Variants in EPHA4 observed in about 807,000 individuals in gnomAD.
The protein encoded by EPHA4 is ephrin type-A receptor 4.
In EPHA4, 19 loss-of-function variants were observed where a neutral mutation model predicts 108.3. The observed-to-expected ratio is 0.18, with a 90% confidence interval of 0.12 to 0.26. The LOEUF (loss-of-function observed/expected upper bound fraction) is 0.26, where lower values mean the gene tolerates loss of function less well. Ranked by LOEUF, EPHA4 falls within the 10% of genes least tolerant of loss-of-function variation. The pLI is 1.00. For missense variants in EPHA4, 917 were observed against 1,254.0 expected, an observed-to-expected ratio of 0.73 and a Z score of 4.06; for synonymous variants, 449 against 455.5, an observed-to-expected ratio of 0.99 and a Z score of 0.18.
chr2:221,537,600 C>A, intron 3 of EPHA4, among the ~76,000 whole-genome samples: 1 of 152,136 alleles, frequency 6.6e-6, no homozygotes, highest in East Asian at 1.9e-4. Flanking sequence ...CTAGCCAGGG[C>A]CACAAAATAA....
In EPHA4 at chr2:221,496,093, C is replaced by T. The variant is rs1692284265; in HGVS notation, c.979+4924G>A. On this transcript the variant is annotated intron_variant, in intron 4 of 17. Coordinates refer to ENST00000281821, the MANE Select transcript of EPHA4 (RefSeq NM_004438.5). ...CTGATGTTTATGCTGCTTCCCATCC[C>T]CACATCTTGTCAAGAGAATCCGATA... Among the ~76,000 whole-genome samples, 4 of 152,234 alleles carry T rather than the reference C, an allele frequency of 2.6e-5. No individual in the cohort carries two copies. The South Asian group carries it at 8.3e-4, about 32-fold the overall frequency.
At chr2:221,519,342 GAC>G (rs1451676649) in intron 3 of EPHA4, among the ~76,000 whole-genome samples, 1 of 152,136 alleles carries the variant, frequency 6.6e-6, no homozygotes, top group African/African-American at 2.4e-5. Context: ...TTAAATGATG[GAC>G]AGTTTCTGAA....
chr2:221,442,953 C>T lies in EPHA4; in HGVS notation c.1950G>A (p.Val650=). ...AACCAGCTTTCAGAGTCTTGATAGC[C>T]ACACAGATCTCTCTCTTGCCAGGCA... The part of the protein sequence containing the change: ...LKVPGKREIC[V]AIKTLKAGYT... Residue 650 remains valine, a synonymous_variant, in exon 11 of 18, where the codon GTG becomes GTA. Coordinates refer to ENST00000281821, the MANE Select transcript of EPHA4 (RefSeq NM_004438.5). The T allele has an allele frequency of 3.7e-6, 6 of 1,614,140 alleles. No homozygotes were observed. Among genetic ancestry groups the T allele is most frequent in the Non-Finnish European group, 5.1e-6 (6 of 1,180,024 alleles).
intron 3 of EPHA4, among the ~76,000 whole-genome samples, chr2:221,563,093 A>G (rs1349660658): frequency 6.6e-6 from 1 of 152,212 alleles, no homozygotes; most frequent in African/African-American, 2.4e-5. Flanking sequence ...ACCTCCTAAG[A>G]GAAATAAAGA....
chr2:221,426,482 AC>A lies in EPHA4; in HGVS notation c.2827del (p.Val943TrpfsTer4). 2 of 1,609,682 alleles carry A rather than the reference AC, an allele frequency of 1.2e-6. No homozygotes were observed. The highest frequency in any genetic ancestry group is 1.7e-6 in the Non-Finnish European group (2 of 1,178,988). ...TAAGYTTLEA[V>X]VHVNQEDLAR... The stretch of plus-strand genomic sequence containing the variant: ...TACTTACTCCTGGTTCACGTGCACC[AC>A]AGCCTCTAGTGTGGTATAACCAGCA... On this transcript the variant is annotated frameshift_variant, in exon 16 of 18. Coordinates refer to ENST00000281821, the MANE Select transcript of EPHA4 (RefSeq NM_004438.5). LOFTEE classifies it high-confidence loss of function.
intron 11 of EPHA4, 83 bp from the exon 12 acceptor site, chr2:221,437,205 T>C: frequency 1.0e-6 from 1 of 969,608 alleles, no homozygotes; most frequent in Non-Finnish European, 1.6e-6. Context: ...ACAATTTTAC[T>C]GCCAAGATAC....
At chr2:221,565,693 T>C (rs905261656) in intron 2 of EPHA4, among the ~76,000 whole-genome samples, 26 of 152,280 alleles carry the variant, frequency 1.7e-4, no homozygotes, top group African/African-American at 6.3e-4. Flanking sequence ...GCCACCATTA[T>C]AAAAGTTGAA....
chr2:221,430,676 G>A (rs1270648858), intron 14 of EPHA4, among the ~76,000 whole-genome samples: 8 of 152,048 alleles, frequency 5.3e-5, no homozygotes, highest in Non-Finnish European at 1.0e-4. Flanking sequence ...AAGTCCAGAC[G>A]CCCAGCCATT....
At chr2:221,492,700 G>A (rs1034743752) in intron 4 of EPHA4, among the ~76,000 whole-genome samples, 2 of 152,330 alleles carry the variant, frequency 1.3e-5, no homozygotes, top group Non-Finnish European at 1.5e-5. Flanking sequence ...GTTGACGGCT[G>A]CATCTGAATC....
At chr2:221,493,829 G>C (rs1007768996) in intron 4 of EPHA4, among the ~76,000 whole-genome samples, 24 of 152,206 alleles carry the variant, frequency 1.6e-4, no homozygotes, top group African/African-American at 5.3e-4. Flanking sequence ...TAAACCTGGA[G>C]AAAGTTTTTT....
chr2:221,470,590 TAAAGTATCACTTTAGGGAAC>T, intron 5 of EPHA4, among the ~76,000 whole-genome samples: 1 of 71,826 alleles, frequency 1.4e-5, no homozygotes, highest in South Asian at 4.6e-4. Flanking sequence ...TGCTTTTCCC[TAAAGTATCACTTTAGGGAAC>T]CTGCTTTTCC....
chr2:221,436,268 G>A, intron 13 of EPHA4, 131 bp downstream of exon 13: 1 of 758,140 alleles, frequency 1.3e-6, no homozygotes. Context: ...ATGGATGCAG[G>A]AATATGAGGA....
At chr2:221,556,691 C>T (rs1694313576) in intron 3 of EPHA4, among the ~76,000 whole-genome samples, 1 of 151,840 alleles carries the variant, frequency 6.6e-6, no homozygotes, top group South Asian at 2.1e-4. Flanking sequence ...CATGATTTGG[C>T]TTTCTGTGGT....
chr2:221,459,151 T>A (rs1691059811), intron 5 of EPHA4, among the ~76,000 whole-genome samples: 1 of 152,124 alleles, frequency 6.6e-6, no homozygotes, highest in Non-Finnish European at 1.5e-5. Flanking sequence ...CTGACGAGTA[T>A]ACTGATGGCA....
chr2:221,519,488 A>G (rs558531469), intron 3 of EPHA4, among the ~76,000 whole-genome samples: 3 of 152,346 alleles, frequency 2.0e-5, no homozygotes, highest in African/African-American at 7.2e-5. Flanking sequence ...GAAAGGGGCA[A>G]TTAACAGTGA....
intron 3 of EPHA4, among the ~76,000 whole-genome samples, chr2:221,542,491 G>A (rs1392244554): frequency 6.6e-6 from 1 of 152,184 alleles, no homozygotes; most frequent in Non-Finnish European, 1.5e-5. Context: ...TCCTGGTTCT[G>A]TATGGGGAAA....
chr2:221,436,940 C>T (rs1690259872), intron 12 of EPHA4, 121 bp downstream of exon 12: 5 of 762,138 alleles, frequency 6.6e-6, no homozygotes, highest in Non-Finnish European at 1.1e-5. Context: ...CATTTCTCCT[C>T]TTCTTTCTTT....
chr2:221,540,866 G>A (rs986042508), intron 3 of EPHA4, among the ~76,000 whole-genome samples: 3 of 152,056 alleles, frequency 2.0e-5, no homozygotes, highest in South Asian at 2.1e-4. Context: ...GCTGGAATTC[G>A]GGGGATTACA....
chr2:221,544,145 C>A (rs1693916065), intron 3 of EPHA4, among the ~76,000 whole-genome samples: 1 of 152,180 alleles, frequency 6.6e-6, no homozygotes, highest in African/African-American at 2.4e-5. Context: ...CTAATACCAT[C>A]ACCTTGGTGG....
Sources: gnomAD v4.1 joint callset for allele counts (sites outside exome capture counted in the v4.1 genomes callset) on GRCh38, gnomAD v4.1.1 for gene constraint, MANE v1.5 for transcripts, NCBI Gene and HGNC (gene_info 2026-07-23, HGNC 2026-07-21) for gene names.